Variants in DLG1 observed in about 807,000 individuals in gnomAD.
The protein encoded by DLG1 is disks large homolog 1.
In DLG1, 42 loss-of-function variants were observed where a neutral mutation model predicts 123.4. The observed-to-expected ratio is 0.34, with a 90% CI of 0.27 to 0.44. The LOEUF is 0.44. DLG1 is among the 20% of genes least tolerant of loss of function. The pLI is 1.00. For missense variants in DLG1, 942 were observed against 1,082.6 expected (o/e 0.87, Z 1.82); for synonymous variants, 317 against 356.2 (o/e 0.89, Z 1.24).
At chr3:197,061,412 A>G (rs1329952728) in intron 22 of DLG1, among the ~76,000 whole-genome samples, 1 of 152,216 alleles carries the variant, frequency 6.6e-6, no homozygotes, top group African/African-American at 2.4e-5. Context: ...GTATTTCTTA[A>G]AAACAATGGC....
intron 4 of DLG1, among the ~76,000 whole-genome samples, chr3:197,194,790 A>T (rs1049089053): frequency 5.9e-5 from 9 of 152,206 alleles, no homozygotes; most frequent in Admixed American, 2.0e-4. Flanking sequence ...AACATTAGAA[A>T]TAATTCAAAG....
chr3:197,162,766 C>T (rs544669843), intron 5 of DLG1, among the ~76,000 whole-genome samples: 3 of 152,058 alleles, frequency 2.0e-5, no homozygotes, highest in African/African-American at 7.2e-5. Context: ...AAAACTCTTA[C>T]AAGAGAACAT....
In DLG1 at chr3:197,136,590, A is replaced by T; in HGVS notation, c.972T>A (p.Gly324=). The change falls in exon 10 of 25, where the codon GGT becomes GGA. Residue 324 remains glycine (G), a synonymous_variant. Transcript: ENST00000667157. ...GAAGTTTGCCATCCTTATGTGCTGCACCTCCTTCAATTATTTTGGTTACAT... is the reference window on the plus strand; with the variant it reads ...GAAGTTTGCCATCCTTATGTGCTGCTCCTCCTTCAATTATTTTGGTTACAT... ...SIYVTKIIEG[G]AAHKDGKLQI... 6.2e-7 allele frequency: 1 copy of T among 1,612,832 alleles called. No individual in the cohort carries two copies. The highest frequency in any genetic ancestry group is 8.5e-7 in the Non-Finnish European group (1 of 1,179,222).
At chr3:197,215,845 G>T (rs1364912955) in intron 4 of DLG1, among the ~76,000 whole-genome samples, 2 of 151,958 alleles carry the variant, frequency 1.3e-5, no homozygotes, top group African/African-American at 2.4e-5. Flanking sequence ...AGCAAACAGG[G>T]GACTTCTAAG....
chr3:197,160,106 TG>T (rs1798200446), intron 5 of DLG1, among the ~76,000 whole-genome samples: 4 of 152,222 alleles, frequency 2.6e-5, no homozygotes, highest in Admixed American at 2.6e-4. Context: ...GTGGTAGGAC[TG>T]GAATTCCAAC....
At chr3:197,242,108 C>A (rs896832916) in intron 4 of DLG1, among the ~76,000 whole-genome samples, 2 of 152,086 alleles carry the variant, frequency 1.3e-5, no homozygotes, top group Admixed American at 6.6e-5. Context: ...AAAGATATTT[C>A]ATGCAACTGG....
At chr3:197,064,004 C>T (rs1331782485) in intron 22 of DLG1, among the ~76,000 whole-genome samples, 1 of 149,952 alleles carries the variant, frequency 6.7e-6, no homozygotes, top group East Asian at 2.0e-4. Context: ...TTTTGGCTCA[C>T]TGCAATCTCC....
chr3:197,287,801 G>A (rs1030194102), intron 3 of DLG1, among the ~76,000 whole-genome samples: 1 of 152,042 alleles, frequency 6.6e-6, no homozygotes, highest in Non-Finnish European at 1.5e-5. Context: ...TTAAAAGATG[G>A]ATAACACTCT....
chr3:197,295,569 A>T (rs565409356), intron 3 of DLG1, among the ~76,000 whole-genome samples: 1 of 152,338 alleles, frequency 6.6e-6, no homozygotes, highest in South Asian at 2.1e-4. Context: ...CCTGGACAAA[A>T]GAGCCAGACA....
At chr3:197,141,774 G>A (rs765341140) in intron 7 of DLG1, among the ~76,000 whole-genome samples, 1 of 152,116 alleles carries the variant, frequency 6.6e-6, no homozygotes, top group African/African-American at 2.4e-5. Context: ...CCAGGCTAGA[G>A]TGCGATCTCG....
intron 15 of DLG1, among the ~76,000 whole-genome samples, chr3:197,088,851 A>G (rs1300664049): frequency 1.3e-5 from 2 of 152,226 alleles, no homozygotes; most frequent in African/African-American, 4.8e-5. Flanking sequence ...GCTGCAGAAG[A>G]AAGGAGGCAG....
In DLG1 at chr3:197,050,366, CA is replaced by C. The variant is rs71161992; in HGVS notation, c.2575+1210del. Among the ~76,000 whole-genome samples, 138 of 148,074 alleles carry C rather than the reference CA, an allele frequency of 9.3e-4. 1 individual carries two copies. Among genetic ancestry groups the C allele is most frequent in the Middle Eastern group, 7.0e-3 (2 of 286 alleles). ...TGGGCGACAGAGCCAGACTCCATTT[CA>C]AAAAAAAACAACAACAAAAAAAACC... On this transcript the variant is annotated intron_variant, in intron 24 of 24. Coordinates refer to ENST00000667157, the MANE Select transcript of DLG1 (RefSeq NM_001366207.1).
intron 4 of DLG1, among the ~76,000 whole-genome samples, chr3:197,242,920 G>A (rs1749695329): frequency 6.6e-6 from 1 of 152,148 alleles, no homozygotes; most frequent in African/African-American, 2.4e-5. Flanking sequence ...GTCTGGACAT[G>A]CCTGTAGTCC....
At chr3:197,240,155 T>C (rs1748124572) in intron 4 of DLG1, among the ~76,000 whole-genome samples, 1 of 152,214 alleles carries the variant, frequency 6.6e-6, no homozygotes, top group Admixed American at 6.5e-5. Flanking sequence ...GAAATTCTAC[T>C]GTAACTCAGC....
At chr3:197,049,764 A>C (rs988555682) in intron 24 of DLG1, among the ~76,000 whole-genome samples, 1 of 152,198 alleles carries the variant, frequency 6.6e-6, no homozygotes, top group East Asian at 1.9e-4. Flanking sequence ...AAAAAAGATG[A>C]ATGAATAAAG....
rs138523053 is a variant in DLG1, at chr3:197,186,109, C to T, written c.483+8316G>A. 3.7e-4 allele frequency among the ~76,000 whole-genome samples: 56 copies of T among 152,246 alleles called. No individual in the cohort carries two copies. The East Asian group carries it at 9.6e-3, about 26-fold the overall frequency. ...GGGAAAGACTTCTTTATGAAAATGT[C>T]CTGTTACATGACCTACAAAAATCTA... On this transcript the variant is annotated intron_variant, in intron 5 of 24. Transcript: ENST00000667157.
intron 19 of DLG1, 36 bp downstream of exon 19, chr3:197,069,183 G>T: frequency 6.6e-7 from 1 of 1,507,794 alleles, no homozygotes; most frequent in Non-Finnish European, 9.0e-7. Context: ...TGTATTACTC[G>T]AGATTACAAA....
intron 14 of DLG1, among the ~76,000 whole-genome samples, chr3:197,098,270 T>A (rs1761722439): frequency 6.6e-6 from 1 of 152,246 alleles, no homozygotes; most frequent in Non-Finnish European, 1.5e-5. Context: ...GCAATTTTGC[T>A]GATCTGATTA....
intron 4 of DLG1, among the ~76,000 whole-genome samples, chr3:197,276,305 T>C (rs1407656910): frequency 6.6e-6 from 1 of 152,218 alleles, no homozygotes; most frequent in Admixed American, 6.5e-5. Context: ...ACAAATACCT[T>C]CAATAATCTG....
Sources: allele counts gnomAD v4.1 joint callset (sites outside exome capture counted in the v4.1 genomes callset), GRCh38; gene constraint gnomAD v4.1.1; transcripts MANE v1.5; gene names NCBI Gene and HGNC (gene_info 2026-07-23, HGNC 2026-07-21).